DAAM2: variants seen among roughly 807,000 people sequenced by gnomAD.
DAAM2 encodes the protein disheveled-associated activator of morphogenesis 2.
Under a neutral mutation model 120.7 loss-of-function variants are expected in DAAM2, and 39 were observed. The ratio of observed to expected loss-of-function variants is 0.32; its 90% CI spans 0.25 to 0.42. The LOEUF is 0.42. Among genes scored for constraint, DAAM2 ranks in the 10% least tolerant of loss-of-function variants. The pLI is 1.00. For missense variants in DAAM2, 1,283 were observed against 1,401.7 expected (o/e 0.92, Z 1.35); for synonymous variants, 488 against 524.9 (o/e 0.93, Z 0.96).
At chr6:39,861,123 C>T (rs779445171) in intron 3 of DAAM2, 106 bp downstream of exon 3, 2 of 849,224 alleles carry the variant, frequency 2.4e-6, no homozygotes, top group East Asian at 2.6e-5. Context: ...TACATGCCAG[C>T]CCTGTTCTAG....
intron 14 of DAAM2, 137 bp from the exon 15 acceptor site, chr6:39,883,825 G>A (rs1185473239): frequency 1.5e-6 from 1 of 647,378 alleles, no homozygotes. Flanking sequence ...GGGAGCAACC[G>A]ACTACCTTCT....
intron 19 of DAAM2, 104 bp downstream of exon 19, chr6:39,891,826 C>T: frequency 1.1e-6 from 1 of 870,896 alleles, no homozygotes. Flanking sequence ...CTTTCTTATT[C>T]TCAACCCAAA....
At chr6:39,863,902 A>C (rs114405185) in intron 3 of DAAM2, among the ~76,000 whole-genome samples, 3,856 of 152,070 alleles carry the variant, frequency 0.025, 145 homozygotes, top group African/African-American at 0.087. Context: ...AAATTTCTCT[A>C]TTTTTCTAAA....
At chr6:39,815,030 A>C (rs1582610071) in intron 1 of DAAM2, among the ~76,000 whole-genome samples, 1 of 152,212 alleles carries the variant, frequency 6.6e-6, no homozygotes, top group African/African-American at 2.4e-5. Flanking sequence ...GTGGTTCTCA[A>C]ATTGTGGGAC....
intron 1 of DAAM2, chr6:39,822,976 CT>C (rs1181682059): frequency 1.3e-5 from 2 of 152,156 alleles, no homozygotes; most frequent in Non-Finnish European, 2.9e-5. Flanking sequence ...TGAGAATGTG[CT>C]TTTCCTTGAG....
chr6:39,849,982 C>T lies in DAAM2; in HGVS notation c.-56-6265C>T, dbSNP rs146097635. 1.4e-4 allele frequency among the ~76,000 whole-genome samples: 22 copies of T among 152,286 alleles called. No individual in the cohort carries two copies. The East Asian group carries it at 2.7e-3, about 19-fold the overall frequency. On this transcript the variant is annotated intron_variant, in intron 1 of 24. Coordinates refer to ENST00000274867, the MANE Select transcript of DAAM2 (RefSeq NM_001201427.2). The stretch of plus-strand genomic sequence containing the variant: ...CGCCTGTGGAGCAGGAAATTGTTTA[C>T]ATTCCTTATGTTCCATGCAGCAGCT...
In DAAM2 at chr6:39,833,725, A is replaced by G. The variant is rs77344247; in HGVS notation, c.-56-22522A>G. On this transcript the variant is annotated intron_variant, in intron 1 of 24. Transcript: ENST00000274867. ...AGCTATCAGTCTTCTTTTCCCAGGG[A>G]AAACAAGGTCCTGGCTTAGCTCTGA... Among the ~76,000 whole-genome samples, 642 of 152,306 alleles carry G rather than the reference A, an allele frequency of 4.2e-3. 4 individuals carry two copies. The highest frequency in any genetic ancestry group is 0.014 in the African/African-American group (586 of 41,566).
At chr6:39,845,568 A>AT (rs1186353906) in intron 1 of DAAM2, among the ~76,000 whole-genome samples, 1 of 151,594 alleles carries the variant, frequency 6.6e-6, no homozygotes, top group Non-Finnish European at 1.5e-5. Flanking sequence ...ACATACACAC[A>AT]TAAATACATA....
chr6:39,879,503 G>A (rs2504797), intron 14 of DAAM2, 26 bp downstream of exon 14: 265,892 of 1,613,636 alleles, frequency 0.16, 24,912 homozygotes, highest in South Asian at 0.34. Flanking sequence ...GGGGCTGGAG[G>A]GCCCATTCTT....
At chr6:39,848,005 C>T (rs1303350179) in intron 1 of DAAM2, among the ~76,000 whole-genome samples, 1 of 152,196 alleles carries the variant, frequency 6.6e-6, no homozygotes, top group Non-Finnish European at 1.5e-5. Flanking sequence ...GTGGAACCAC[C>T]CTAGTAGAGC....
At chr6:39,895,431 T>G (rs866193855) in intron 19 of DAAM2, among the ~76,000 whole-genome samples, 7 of 152,218 alleles carry the variant, frequency 4.6e-5, no homozygotes, top group African/African-American at 1.4e-4. Flanking sequence ...AGATGGGGTT[T>G]CACCGTGTCA....
intron 22 of DAAM2, 145 bp downstream of exon 22, chr6:39,899,082 T>C: frequency 1.5e-6 from 1 of 658,482 alleles, no homozygotes; most frequent in Non-Finnish European, 2.7e-6. Context: ...GATAACTGGA[T>C]TACTGGGGCT....
rs1217711619 is a variant in DAAM2 at position 39,868,795 on chromosome 6, T to A, written c.763-28T>A. 3 of 1,531,616 alleles carry A rather than the reference T, an allele frequency of 2.0e-6. No homozygotes were observed. The Admixed American group carries it at 5.8e-5, about 30-fold the overall frequency. The allele number at this position is 1,531,616 out of a possible 1,614,324, so 94.9% of individuals were successfully genotyped here. On this transcript the variant is annotated intron_variant, in intron 6 of 24. Transcript: ENST00000274867. ...ACCTGTTGGGAACTCAGCCCTCTCC[T>A]CCTGCTCTGTCCTGCATTTCCACCT...
In DAAM2 at chr6:39,851,043, T is replaced by G. The variant is rs530803347; in HGVS notation, c.-56-5204T>G. Among the ~76,000 whole-genome samples the G allele has an allele frequency of 7.2e-5, 11 of 152,316 alleles. No homozygotes were observed. In the South Asian group the frequency reaches 2.1e-3, roughly 29 times the overall value. ...TGTAACAGCTCCTGAAGCCTCAATA[T>G]TTTTATCTGTAAGAGGGTATAATAA... On this transcript the variant is annotated intron_variant, in intron 1 of 24. Transcript: ENST00000274867.
chr6:39,887,412 G>A (rs1455423778), intron 15 of DAAM2, 74 bp from the exon 16 acceptor site: 2 of 984,552 alleles, frequency 2.0e-6, no homozygotes, highest in African/African-American at 3.2e-5. Flanking sequence ...GGTAGGAGGT[G>A]GCTCTTGCGG....
chr6:39,865,178 T>C, intron 5 of DAAM2, 104 bp downstream of exon 5: 1 of 716,970 alleles, frequency 1.4e-6, no homozygotes, highest in Non-Finnish European at 2.5e-6. Flanking sequence ...CCGGTCCTCC[T>C]GGCCAACTCT....
At chr6:39,880,908 A>C (rs1765087987) in intron 14 of DAAM2, among the ~76,000 whole-genome samples, 1 of 152,234 alleles carries the variant, frequency 6.6e-6, no homozygotes, top group Non-Finnish European at 1.5e-5. Context: ...AGCCAGAAAG[A>C]CAAACTGCAC....
chr6:39,809,279 C>T (rs1390635986), intron 1 of DAAM2, among the ~76,000 whole-genome samples: 1 of 152,164 alleles, frequency 6.6e-6, no homozygotes, highest in Non-Finnish European at 1.5e-5. Flanking sequence ...AGTGGGCACT[C>T]TGAAATTTCA....
At position 39,878,159 on chromosome 6, in the gene DAAM2, A is replaced by C; in HGVS notation, c.1302-44A>C. ...GATGTCTCCTGGGAAGCTGTGAATC[A>C]ATGGTCAACAATCACATTGCCCCTT... On this transcript the variant is annotated intron_variant, in intron 11 of 24. Coordinates refer to ENST00000274867, the MANE Select transcript of DAAM2 (RefSeq NM_001201427.2). The surrounding 1 kb of genome is among the most constrained non-coding windows in gnomAD (Gnocchi z 5.0). 1 of 1,604,900 alleles carries C rather than the reference A, an allele frequency of 6.2e-7. No homozygotes were observed. Among genetic ancestry groups the C allele is most frequent in the South Asian group, 1.1e-5 (1 of 90,180 alleles).
Sources: allele counts gnomAD v4.1 joint callset (sites outside exome capture counted in the v4.1 genomes callset), GRCh38; gene constraint gnomAD v4.1.1; non-coding constraint Gnocchi (gnomAD v3.1); transcripts MANE v1.5; gene names NCBI Gene and HGNC (gene_info 2026-07-23, HGNC 2026-07-21).